The following INO80 variants were observed in gnomAD, a reference collection of about 807,000 sequenced individuals.
The protein encoded by INO80 is chromatin-remodeling ATPase INO80.
Under a neutral mutation model 203.4 loss-of-function variants are expected in INO80, and 20 were observed. The observed-to-expected ratio is 0.10, with a 90% confidence interval of 0.07 to 0.14. The LOEUF is 0.14. INO80 is among the 10% of genes least tolerant of loss of function. The pLI is 1.00. For missense variants in INO80, 1,419 were observed against 1,914.4 expected, an observed-to-expected ratio of 0.74 and a Z score of 4.83; for synonymous variants, 726 against 685.2, an observed-to-expected ratio of 1.06 and a Z score of -0.93.
intron 9 of INO80, 31 bp downstream of exon 9, chr15:41,079,670 G>T: frequency 6.3e-7 from 1 of 1,594,258 alleles, no homozygotes; most frequent in Non-Finnish European, 8.6e-7. Context: ...GTAGTAATTA[G>T]GGTTTTCAAA....
chr15:41,105,319 G>T (rs2045866186), intron 1 of INO80, among the ~76,000 whole-genome samples: 1 of 152,144 alleles, frequency 6.6e-6, no homozygotes, highest in Admixed American at 6.6e-5. Context: ...TCCAAGTGGG[G>T]ATCCAAATGT....
intron 5 of INO80, among the ~76,000 whole-genome samples, chr15:41,090,227 C>T (rs1271561529): frequency 6.6e-6 from 1 of 152,188 alleles, no homozygotes. Context: ...GACACAGGCA[C>T]ATGTTGCATG....
chr15:40,999,820 T>C (rs984265307), intron 28 of INO80, among the ~76,000 whole-genome samples: 3 of 152,156 alleles, frequency 2.0e-5, no homozygotes, highest in Non-Finnish European at 2.9e-5. Flanking sequence ...TAAAAACTGA[T>C]TGAGCTTTTT....
chr15:41,054,451 C>T (rs2044945777), intron 18 of INO80, among the ~76,000 whole-genome samples: 1 of 152,040 alleles, frequency 6.6e-6, no homozygotes, highest in African/African-American at 2.4e-5. Context: ...CTCTTAAAAT[C>T]AGAGAGATAT....
intron 14 of INO80, among the ~76,000 whole-genome samples, chr15:41,067,587 C>T (rs761414222): frequency 6.6e-6 from 1 of 152,168 alleles, no homozygotes; most frequent in African/African-American, 2.4e-5. Flanking sequence ...ACTCCTTATA[C>T]AGTTTCTACA....
chr15:41,031,889 G>A (rs1472385555), intron 24 of INO80, among the ~76,000 whole-genome samples: 3 of 151,594 alleles, frequency 2.0e-5, no homozygotes, highest in East Asian at 1.9e-4. Context: ...AGGATGACAG[G>A]CTCCATAGCT....
At chr15:41,013,074 A>AACAACAACG (rs2044154729) in intron 27 of INO80, 1 of 2,458 alleles carries the variant, frequency 4.1e-4, no homozygotes, top group South Asian at 0.056. Flanking sequence ...TAAGGCACAT[A>AACAACAACG]ACAACAACAA....
At position 40,983,823 on chromosome 15, in the gene INO80, A is replaced by C. The variant is rs768170477; in HGVS notation, c.4176T>G (p.Pro1392=). 6.2e-6 allele frequency: 10 copies of C among 1,612,854 alleles called. No homozygotes were observed. In the South Asian group the frequency reaches 9.9e-5, roughly 16 times the overall value. The change falls in exon 34 of 36, where the codon CCT becomes CCG. Residue 1392 remains proline, a synonymous_variant. Transcript: ENST00000648947. ...CGGGAGAGTTGGTAGCTCGAGACTG[A>C]GGGGCTGAGGAGGCTGGGTCATCCA... ...VIVDDPASSA[P]QSRATNSPAS...
At chr15:41,037,867 C>T (rs1375926424) in intron 24 of INO80, among the ~76,000 whole-genome samples, 1 of 151,514 alleles carries the variant, frequency 6.6e-6, no homozygotes, top group Non-Finnish European at 1.5e-5. Flanking sequence ...CACTTGAACC[C>T]GGGACGCAGA....
chr15:41,038,702 C>A (rs941147805), intron 24 of INO80, among the ~76,000 whole-genome samples: 1 of 152,176 alleles, frequency 6.6e-6, no homozygotes, highest in African/African-American at 2.4e-5. Context: ...ACAACCATTG[C>A]TATCGGGTCT....
chr15:41,099,236 T>TA, intron 1 of INO80, among the ~76,000 whole-genome samples: 3 of 19,792 alleles, frequency 1.5e-4, no homozygotes, highest in Non-Finnish European at 2.0e-4. Context: ...AGACCCTGTC[T>TA]CAAAAAAAAA....
chr15:41,065,002 A>G (rs1000288393), intron 14 of INO80, among the ~76,000 whole-genome samples: 3 of 152,064 alleles, frequency 2.0e-5, no homozygotes, highest in African/African-American at 7.2e-5. Flanking sequence ...CTGTCTCAAA[A>G]AAAAGGTAGA....
intron 10 of INO80, among the ~76,000 whole-genome samples, 177 bp downstream of exon 10, chr15:41,074,193 T>C (rs1051220374): frequency 4.6e-5 from 7 of 152,156 alleles, no homozygotes; most frequent in Non-Finnish European, 7.3e-5. Flanking sequence ...AATTCTTTAA[T>C]AAATGGTCTT....
intron 28 of INO80, among the ~76,000 whole-genome samples, chr15:41,001,440 A>T (rs2043957451): frequency 6.6e-6 from 1 of 152,214 alleles, no homozygotes; most frequent in South Asian, 2.1e-4. Context: ...ATGACTGAAA[A>T]ACAACCACAA....
intron 1 of INO80, among the ~76,000 whole-genome samples, chr15:41,115,004 G>A (rs1002298540): frequency 6.6e-6 from 1 of 152,110 alleles, no homozygotes; most frequent in Non-Finnish European, 1.5e-5. Context: ...ATACGCTTTA[G>A]AAAGCGGAAT....
chr15:41,115,887 C>G (rs1008345533), intron 1 of INO80, 86 bp downstream of exon 1: 2 of 377,008 alleles, frequency 5.3e-6, no homozygotes, highest in Non-Finnish European at 9.4e-6. Context: ...CTTTAAGACG[C>G]GGCCCAGTTG....
intron 29 of INO80, 118 bp downstream of exon 29, chr15:40,997,411 C>A (rs2043894623): frequency 1.5e-6 from 1 of 676,414 alleles, no homozygotes. Flanking sequence ...AAAAAGTTTG[C>A]AAGTTTGTGA....
chr15:41,041,084 G>C (rs2044658472), intron 24 of INO80, among the ~76,000 whole-genome samples: 1 of 152,090 alleles, frequency 6.6e-6, no homozygotes. Context: ...CAAAGACGTA[G>C]AGGGTCTCAC....
chr15:41,007,898 A>G (rs2044073696), intron 27 of INO80, among the ~76,000 whole-genome samples: 1 of 152,136 alleles, frequency 6.6e-6, no homozygotes, highest in African/African-American at 2.4e-5. Flanking sequence ...GGTTGGCTGG[A>G]CGAAGTGGCT....
Sources: allele counts gnomAD v4.1 joint callset (sites outside exome capture counted in the v4.1 genomes callset), GRCh38; gene constraint gnomAD v4.1.1; transcripts MANE v1.5; gene names NCBI Gene and HGNC (gene_info 2026-07-23, HGNC 2026-07-21).